The following RNF10 variants were observed in gnomAD, a reference collection of about 807,000 sequenced individuals.
RNF10 encodes the protein E3 ubiquitin-protein ligase RNF10.
RNF10 carries 38 observed loss-of-function variants against 91.4 expected under a neutral mutation model. The observed-to-expected ratio is 0.42, with a 90% CI of 0.32 to 0.54. The LOEUF (loss-of-function observed/expected upper bound fraction) is 0.54, where lower values mean the gene tolerates loss of function less well. RNF10 is among the 20% of genes least tolerant of loss of function. The pLI is 0.16. For missense variants in RNF10, 945 were observed against 1,012.0 expected (o/e 0.93, Z 0.90); for synonymous variants, 364 against 366.3 (o/e 0.99, Z 0.07).
intron 13 of RNF10, among the ~76,000 whole-genome samples, chr12:120,569,315 G>T (rs570773925): frequency 1.3e-5 from 2 of 151,714 alleles, no homozygotes; most frequent in Admixed American, 1.3e-4. Flanking sequence ...TTAACAAAGT[G>T]TCCATCATTG....
rs143053960 is a variant in RNF10 at position 120,542,574 on chromosome 12, A to G, written c.158-3831A>G. ...TAACTTTATTTATTTGTTTTTTGAG[A>G]CAGAGTCTCACTCTGCTGCCCAGGC... On this transcript the variant is annotated intron_variant, in intron 1 of 16. Transcript: ENST00000325954. Among the ~76,000 whole-genome samples, 152 of 152,168 alleles carry G rather than the reference A, an allele frequency of 1.0e-3. 2 individuals carry two copies. The highest frequency in any genetic ancestry group is 3.4e-3 in the African/African-American group (142 of 41,526).
At chr12:120,561,602 A>G (rs867399836) in intron 7 of RNF10, among the ~76,000 whole-genome samples, 8 of 152,290 alleles carry the variant, frequency 5.3e-5, no homozygotes, top group South Asian at 4.1e-4. Flanking sequence ...TGCTATACAC[A>G]TTTATCTCAC....
At chr12:120,551,290 G>GTTTTTTTTTTTTTTTTTTTTTTTTTTTT (rs63002361) in intron 2 of RNF10, among the ~76,000 whole-genome samples, 1 of 83,220 alleles carries the variant, frequency 1.2e-5, no homozygotes, top group Non-Finnish European at 2.2e-5. Flanking sequence ...CCATCCTAGT[G>GTTTTTTTTTTTTTTTTTTTTTTTTTTTT]TTTTTTTTTT....
At chr12:120,567,123 A>C (rs1414418722) in intron 13 of RNF10, 143 bp downstream of exon 13, 1 of 726,776 alleles carries the variant, frequency 1.4e-6, no homozygotes, top group Non-Finnish European at 2.2e-6. Flanking sequence ...AGGTACATCA[A>C]ATTCTTTTAT....
At chr12:120,552,166 G>A (rs1390949097) in intron 2 of RNF10, among the ~76,000 whole-genome samples, 1 of 151,498 alleles carries the variant, frequency 6.6e-6, no homozygotes, top group Non-Finnish European at 1.5e-5. Flanking sequence ...AGGCTGAGGT[G>A]AGTGGATCAC....
intron 1 of RNF10, 149 bp downstream of exon 1, chr12:120,535,117 AC>A (rs1870553951): frequency 1.1e-6 from 1 of 887,786 alleles, no homozygotes; most frequent in Non-Finnish European, 1.6e-6. Context: ...ATTTGCAGTT[AC>A]ATTAATGAGC....
intron 2 of RNF10, among the ~76,000 whole-genome samples, chr12:120,549,670 A>G (rs1173314817): frequency 6.6e-6 from 1 of 152,182 alleles, no homozygotes; most frequent in African/African-American, 2.4e-5. Context: ...CTGTAATTCC[A>G]GTTACTTGGG....
At position 120,546,537 on chromosome 12, in the gene RNF10, C is replaced by T. The variant is rs114775205; in HGVS notation, c.290C>T (p.Pro97Leu). The T allele has an allele frequency of 2.3e-4, 371 of 1,614,200 alleles. No individual in the cohort carries two copies. The African/African-American group carries it at 4.2e-3, about 18-fold the overall frequency. ...AGCAAGACTTTTAACAAGATGCCTC[C>T]TCAAAGGGGCGGCGGCAGCAGCAAA... ...QKSKTFNKMP[P>L]QRGGGSSKLF... is the part of the protein sequence containing the mutation. The change falls in exon 2 of 17, where the codon CCT becomes CTT. Residue 97 changes from proline (P) to leucine (L), a missense_variant. By Grantham distance (98) the Pro-to-Leu change is moderately conservative. Coordinates refer to ENST00000325954, the MANE Select transcript of RNF10 (RefSeq NM_014868.5).
chr12:120,549,927 G>A (rs568422021), intron 2 of RNF10, among the ~76,000 whole-genome samples: 2 of 152,278 alleles, frequency 1.3e-5, no homozygotes, highest in South Asian at 4.1e-4. Context: ...TTGGAGTCAG[G>A]ACTAAACCTG....
chr12:120,538,727 A>G (rs1011187046), intron 1 of RNF10, among the ~76,000 whole-genome samples: 1 of 152,146 alleles, frequency 6.6e-6, no homozygotes, highest in African/African-American at 2.4e-5. Flanking sequence ...CTCTTGTCCC[A>G]TCCCCCTGGG....
chr12:120,563,440 G>A lies in RNF10; in HGVS notation c.1348G>A (p.Glu450Lys), dbSNP rs1242915820. The change falls in exon 9 of 17, where the codon GAA (glutamate) becomes AAA (lysine). Residue 450 changes from glutamate to lysine, a missense_variant. Physicochemically the swap from Glu to Lys is moderately conservative, Grantham distance 56 (BLOSUM62 1). Coordinates refer to ENST00000325954, the MANE Select transcript of RNF10 (RefSeq NM_014868.5). ...TAGACCTCTTGCTCTCCCTCTGGTA[G>A]AAGAGGAGGAAGCAGTGTCTGAACC... ...PSRPLALPLV[E>K]EEEAVSEPEP... 2.5e-6 allele frequency: 4 copies of A among 1,614,044 alleles called. No homozygotes were observed. The highest frequency in any genetic ancestry group is 3.4e-6 in the Non-Finnish European group (4 of 1,180,022).
chr12:120,550,467 G>A (rs1260684877), intron 2 of RNF10, among the ~76,000 whole-genome samples: 1 of 152,168 alleles, frequency 6.6e-6, no homozygotes, highest in Non-Finnish European at 1.5e-5. Flanking sequence ...GGCATTAAGG[G>A]TGGAAGACCG....
chr12:120,563,089 C>T lies in RNF10; in HGVS notation c.1254+19C>T, dbSNP rs762003332. ...CAGGAAGGTTAGTGTGTTCCTGTTA[C>T]TAAGTGGCTGCCGTTCCTCAAATGC... is the stretch of plus-strand genomic sequence containing the variant. On this transcript the variant is annotated intron_variant, in intron 8 of 16. Coordinates refer to ENST00000325954, the MANE Select transcript of RNF10 (RefSeq NM_014868.5). The T allele has an allele frequency of 1.2e-5, 20 of 1,613,948 alleles. No individual in the cohort carries two copies. The South Asian group carries it at 2.2e-4, about 18-fold the overall frequency.
chr12:120,541,548 C>A (rs1871570887), intron 1 of RNF10, among the ~76,000 whole-genome samples: 2 of 151,612 alleles, frequency 1.3e-5, no homozygotes, highest in Admixed American at 1.3e-4. Context: ...CATTCTCCTG[C>A]CTCAGCCTCC....
chr12:120,540,356 A>G (rs1308030306), intron 1 of RNF10, among the ~76,000 whole-genome samples: 1 of 152,118 alleles, frequency 6.6e-6, no homozygotes, highest in African/African-American at 2.4e-5. Flanking sequence ...TGCAGCCAGG[A>G]TTGAGAACCA....
At chr12:120,539,188 C>T (rs1055235701) in intron 1 of RNF10, among the ~76,000 whole-genome samples, 1 of 152,078 alleles carries the variant, frequency 6.6e-6, no homozygotes, top group African/African-American at 2.4e-5. Context: ...GAATATTAGT[C>T]CTGTTTCACA....
At chr12:120,559,338 C>T (rs1043888586) in intron 6 of RNF10, among the ~76,000 whole-genome samples, 10 of 151,532 alleles carry the variant, frequency 6.6e-5, no homozygotes, top group African/African-American at 2.2e-4. Flanking sequence ...CCTGCCACCA[C>T]GCCCGGCTAA....
intron 7 of RNF10, among the ~76,000 whole-genome samples, chr12:120,561,193 A>C (rs1215204625): frequency 6.6e-6 from 1 of 152,182 alleles, no homozygotes; most frequent in Non-Finnish European, 1.5e-5. Flanking sequence ...TAGATTAGCT[A>C]TGTTCTTAAA....
intron 2 of RNF10, among the ~76,000 whole-genome samples, chr12:120,548,805 G>GGACT (rs1456686449): frequency 6.6e-6 from 1 of 151,606 alleles, no homozygotes; most frequent in Non-Finnish European, 1.5e-5. Context: ...ACTACAGCTG[G>GGACT]GACTATTAGC....
Sources: allele counts gnomAD v4.1 joint callset (sites outside exome capture counted in the v4.1 genomes callset), GRCh38; gene constraint gnomAD v4.1.1; transcripts MANE v1.5; gene names NCBI Gene and HGNC (gene_info 2026-07-23, HGNC 2026-07-21).